CACNA2D4: variants seen among roughly 807,000 people sequenced by gnomAD.
CACNA2D4 encodes the protein calcium voltage-gated channel auxiliary subunit alpha2delta 4.
Under a neutral mutation model 163.8 loss-of-function variants are expected in CACNA2D4, and 157 were observed. The observed-to-expected ratio is 0.96, with a 90% CI of 0.84 to 1.09. The LOEUF is 1.09. CACNA2D4 is among the 50% of genes least tolerant of loss of function. The pLI, the probability that CACNA2D4 is intolerant of heterozygous loss-of-function variation, is 0.00. For synonymous variants in CACNA2D4, 598 were observed against 586.9 expected (o/e 1.02, Z -0.27); for missense variants, 1,410 against 1,479.9 (o/e 0.95, Z 0.78).
rs1866687684 is a variant in CACNA2D4, at chr12:1,907,522, G to A, written c.699C>T (p.Val233=). ...GGTCTCTCTGGAAGTTCTCCACGAA[G>A]ACAGCATTCAAGGCTTCAGACATGT... is the stretch of plus-strand genomic sequence containing the variant. ...GVYMSEALNA[V]FVENFQRDPT... is the part of the protein sequence containing the mutation. The change falls in exon 6 of 38, where the codon GTC becomes GTT. Residue 233 remains valine, a synonymous_variant. Transcript: ENST00000382722. The A allele has an allele frequency of 6.2e-7, 1 of 1,613,510 alleles. No individual in the cohort carries two copies. Among genetic ancestry groups the A allele is most frequent in the South Asian group, 1.1e-5 (1 of 91,038 alleles).
At chr12:1,813,466 G>T (rs555351801) in intron 26 of CACNA2D4, among the ~76,000 whole-genome samples, 2 of 152,222 alleles carry the variant, frequency 1.3e-5, no homozygotes, top group Non-Finnish European at 2.9e-5. Flanking sequence ...GCCACACGTG[G>T]CTACTGAGAA....
intron 23 of CACNA2D4, 24 bp downstream of exon 23, chr12:1,853,927 G>A (rs1235636656): frequency 3.8e-6 from 6 of 1,588,988 alleles, no homozygotes; most frequent in Non-Finnish European, 5.2e-6. Context: ...GTTGGGGCCT[G>A]GGAACCTGGG....
rs1210621191 is a variant in CACNA2D4 at position 1,907,969 on chromosome 12, GGCGCCCA to G, written c.548_554del (p.Leu183ProfsTer16). On this transcript the variant is annotated frameshift_variant, in exon 5 of 38. Coordinates refer to ENST00000382722, the MANE Select transcript of CACNA2D4 (RefSeq NM_172364.5). LOFTEE classifies it high-confidence loss of function. ...GAGCATTGGACTCCAGGAGGAACTC[GGCGCCCA>G]GCTCCACGAAGTTGCCCTTCTCGTC... is the stretch of plus-strand genomic sequence containing the variant. The G allele has an allele frequency of 7.4e-6, 12 of 1,613,924 alleles. No homozygotes were observed. The highest frequency in any genetic ancestry group is 9.3e-6 in the Non-Finnish European group (11 of 1,179,886).
At chr12:1,896,963 C>CA (rs1245780614) in intron 6 of CACNA2D4, among the ~76,000 whole-genome samples, 2 of 151,904 alleles carry the variant, frequency 1.3e-5, no homozygotes, top group Admixed American at 6.6e-5. Flanking sequence ...ATTTGGCCAC[C>CA]AAAAAAATGA....
intron 3 of CACNA2D4, among the ~76,000 whole-genome samples, chr12:1,912,023 A>G (rs1000470114): frequency 6.6e-6 from 1 of 152,140 alleles, no homozygotes; most frequent in Non-Finnish European, 1.5e-5. Flanking sequence ...GCACATTATA[A>G]CAAGTGGGAA....
intron 6 of CACNA2D4, among the ~76,000 whole-genome samples, chr12:1,888,094 T>C (rs556337030): frequency 6.6e-6 from 1 of 152,174 alleles, no homozygotes; most frequent in East Asian, 1.9e-4. Flanking sequence ...GGGAGTGTGG[T>C]GTGATGGGAG....
intron 23 of CACNA2D4, among the ~76,000 whole-genome samples, chr12:1,852,288 C>T (rs1448551899): frequency 6.6e-6 from 1 of 152,094 alleles, no homozygotes; most frequent in African/African-American, 2.4e-5. Context: ...TGTCTTGTTC[C>T]TGTCTTTAGT....
Position 1,886,213 on chromosome 12 carries a change from G to C in CACNA2D4, c.993+10C>G, listed in dbSNP as rs1246914008. 6.2e-7 allele frequency: 1 copy of C among 1,611,764 alleles called. No homozygotes were observed. Among genetic ancestry groups the C allele is most frequent in the Admixed American group, 1.7e-5 (1 of 60,012 alleles). On this transcript the variant is annotated intron_variant, in intron 8 of 37. Transcript: ENST00000382722. ...GTGAGAGCTATTCTAGAACAGGAAG[G>C]CACATTTACCGCTATGATATTAATG...
intron 6 of CACNA2D4, among the ~76,000 whole-genome samples, chr12:1,894,989 TAA>T (rs1866367906): frequency 6.6e-6 from 1 of 152,176 alleles, no homozygotes; most frequent in Non-Finnish European, 1.5e-5. Flanking sequence ...TAGAAAAACC[TAA>T]AGACTCCACC....
rs370866192 is a variant in CACNA2D4 at position 1,886,065 on chromosome 12, G to A, written c.994-26C>T. On this transcript the variant is annotated intron_variant, in intron 8 of 37. Coordinates refer to ENST00000382722, the MANE Select transcript of CACNA2D4 (RefSeq NM_172364.5). ...CTGCAGTTGCAGTGAGTTGAGGGGA[G>A]GTGGGGGGAGAATAAACAGCATCAG... 5.6e-5 allele frequency: 89 copies of A among 1,590,946 alleles called. 1 individual carries two copies. The African/African-American group carries it at 1.2e-3, about 21-fold the overall frequency.
At chr12:1,816,391 G>C (rs889495163) in intron 26 of CACNA2D4, among the ~76,000 whole-genome samples, 2 of 152,148 alleles carry the variant, frequency 1.3e-5, no homozygotes, top group African/African-American at 2.4e-5. Context: ...TTCGTCCCCA[G>C]GAGGGCCTGT....
chr12:1,821,862 G>A (rs1864117283), intron 26 of CACNA2D4, among the ~76,000 whole-genome samples: 1 of 152,100 alleles, frequency 6.6e-6, no homozygotes, highest in Non-Finnish European at 1.5e-5. Context: ...ACATTTCTGG[G>A]GGGTGTTGGC....
chr12:1,798,133 C>T lies in CACNA2D4; in HGVS notation c.2996-598G>A, dbSNP rs1863192869. On this transcript the variant is annotated intron_variant, in intron 34 of 37. Coordinates refer to ENST00000382722, the MANE Select transcript of CACNA2D4 (RefSeq NM_172364.5). This position sits in a 1 kb window ranked among gnomAD's most constrained non-coding sequence, Gnocchi z 4.3. ...GGTGCGGGACTCCTCGGGGGCTGCG[C>T]GATTTGCCTTAGCTCCCTGGGACAA... Among the ~76,000 whole-genome samples the T allele has an allele frequency of 6.6e-6, 1 of 152,184 alleles. No individual in the cohort carries two copies. Among genetic ancestry groups the T allele is most frequent in the Non-Finnish European group, 1.5e-5 (1 of 68,024 alleles).
chr12:1,797,445 C>A lies in CACNA2D4; in HGVS notation c.3086G>T (p.Gly1029Val). 2 of 1,569,946 alleles carry A rather than the reference C, an allele frequency of 1.3e-6. No homozygotes were observed. Among genetic ancestry groups the A allele is most frequent in the South Asian group, 2.3e-5 (2 of 86,474 alleles). Residue 1029 changes from glycine (G) to valine (V), a missense_variant, in exon 35 of 38, where the codon GGG becomes GTG. Physicochemically the swap from Gly to Val is moderately radical, Grantham distance 109 (BLOSUM62 -3). Coordinates refer to ENST00000382722, the MANE Select transcript of CACNA2D4 (RefSeq NM_172364.5). ...CTGGCAGGGCCCGCACTCCACGATC[C>A]CGTTGGCCTCCCGGATGGCCGGCTG... is the stretch of plus-strand genomic sequence containing the variant. Reference protein sequence around the residue: ...VYQPAIREANGIVECGPCQKV... With the variant: ...VYQPAIREANVIVECGPCQKV...
At chr12:1,872,647 T>C (rs1030777316) in intron 18 of CACNA2D4, among the ~76,000 whole-genome samples, 1 of 152,018 alleles carries the variant, frequency 6.6e-6, no homozygotes, top group Admixed American at 6.6e-5. Flanking sequence ...CCTTTGGCAG[T>C]GAAGAAAACG....
chr12:1,828,127 CCGG>C lies in CACNA2D4; in HGVS notation c.2551+12609_2551+12611del. ...TCCTCTCTCCCCAGAGCGACAGGGCCCGGAGAGCCGTGGGCCTCACCATGCTGG... is the reference window on the plus strand; with the variant it reads ...TCCTCTCTCCCCAGAGCGACAGGGCCAGAGCCGTGGGCCTCACCATGCTGG... On this transcript the variant is annotated intron_variant, in intron 26 of 37. Transcript: ENST00000382722. This position sits in a 1 kb window ranked among gnomAD's most constrained non-coding sequence, Gnocchi z 4.2. The C allele has an allele frequency of 6.6e-7, 1 of 1,522,180 alleles. No individual in the cohort carries two copies. The allele number at this position is 1,522,180 out of a possible 1,614,324, so 94.3% of individuals were successfully genotyped here.
intron 1 of CACNA2D4, among the ~76,000 whole-genome samples, chr12:1,915,549 C>A (rs1483382023): frequency 6.6e-6 from 1 of 152,250 alleles, no homozygotes; most frequent in Non-Finnish European, 1.5e-5. Flanking sequence ...GGCTGCCGAA[C>A]CCTCTGTTGA....
At position 1,846,534 on chromosome 12, in the gene CACNA2D4, G is replaced by T. The variant is rs969154324; in HGVS notation, c.2342+60C>A. ...ACCCATGGCCCAGGAACACACCATGGGACTCTGGCCCTCTCTGCCCTGCAG... is the reference window on the plus strand; with the variant it reads ...ACCCATGGCCCAGGAACACACCATGTGACTCTGGCCCTCTCTGCCCTGCAG... On this transcript the variant is annotated intron_variant, in intron 24 of 37. Transcript: ENST00000382722. The T allele has an allele frequency of 4.3e-5, 59 of 1,372,264 alleles. No individual in the cohort carries two copies. The African/African-American group carries it at 8.2e-4, about 19-fold the overall frequency. The allele number at this position is 1,372,264 out of a possible 1,614,324, so 85.0% of individuals were successfully genotyped here.
intron 6 of CACNA2D4, among the ~76,000 whole-genome samples, chr12:1,899,908 A>G (rs1179226695): frequency 6.6e-6 from 1 of 152,208 alleles, no homozygotes; most frequent in African/African-American, 2.4e-5. Context: ...GTAATGCATA[A>G]AAGGATAATT....
Sources: gnomAD v4.1 joint callset for allele counts (sites outside exome capture counted in the v4.1 genomes callset) on GRCh38, gnomAD v4.1.1 for gene constraint, Gnocchi (gnomAD v3.1) non-coding constraint, MANE v1.5 for transcripts, NCBI Gene and HGNC (gene_info 2026-07-23, HGNC 2026-07-21) for gene names.